The following STK3 variants were observed in gnomAD, a reference collection of about 807,000 sequenced individuals.
The protein encoded by STK3 is serine/threonine-protein kinase 3.
A neutral mutation model predicts 58.0 loss-of-function variants in STK3; 41 were observed. That is an observed-to-expected ratio of 0.71 (90% CI 0.55 to 0.92). STK3 has a LOEUF of 0.92. Among genes scored for constraint, STK3 ranks in the 40% least tolerant of loss-of-function variants. The pLI is 0.00. For missense variants in STK3, 479 were observed against 602.7 expected (o/e 0.79, Z 2.15); for synonymous variants, 170 against 191.0 (o/e 0.89, Z 0.91).
chr8:98,797,476 C>T (rs191498539), intron 1 of STK3, among the ~76,000 whole-genome samples: 3 of 152,148 alleles, frequency 2.0e-5, no homozygotes, highest in African/African-American at 7.2e-5. Flanking sequence ...ATCCCAGAAG[C>T]CTTTCTGGTA....
At chr8:98,695,618 G>T (rs920406459) in intron 6 of STK3, among the ~76,000 whole-genome samples, 1 of 152,176 alleles carries the variant, frequency 6.6e-6, no homozygotes, top group African/African-American at 2.4e-5. Flanking sequence ...TTTCCCCATT[G>T]CTTGTTTTTC....
At chr8:98,345,049 C>A in the STK3 span, among the ~76,000 whole-genome samples, 1 of 151,816 alleles carries the variant, frequency 6.6e-6, no homozygotes, top group Non-Finnish European at 1.5e-5. Flanking sequence ...AAACATCTAT[C>A]AAATATTTTG....
chr8:98,639,967 T>C (rs1819892327), intron 6 of STK3, among the ~76,000 whole-genome samples: 1 of 152,114 alleles, frequency 6.6e-6, no homozygotes, highest in Non-Finnish European at 1.5e-5. Flanking sequence ...AAAAATTAGT[T>C]GGGAGTGGTG....
chr8:98,873,863 G>C (rs1432480724), intron 3 of STK3, among the ~76,000 whole-genome samples: 1 of 152,128 alleles, frequency 6.6e-6, no homozygotes, highest in Non-Finnish European at 1.5e-5. Context: ...ATATTGTTAT[G>C]TGTGAATTTG....
rs187517875 is a variant in STK3, at chr8:98,766,952, T to C, written c.236+291A>G. On this transcript the variant is annotated intron_variant, in intron 3 of 10. Transcript: ENST00000419617. ...AGCCTGACCAACATGGAGAAACCCA[T>C]CTCTACTAAAAATACAAAATTAGCC... Among the ~76,000 whole-genome samples, 28 of 152,060 alleles carry C rather than the reference T, an allele frequency of 1.8e-4. No homozygotes were observed. The East Asian group carries it at 4.7e-3, about 25-fold the overall frequency.
At chr8:98,929,589 G>A (rs946001969) in intron 1 of STK3, among the ~76,000 whole-genome samples, 6 of 152,172 alleles carry the variant, frequency 3.9e-5, no homozygotes, top group Non-Finnish European at 5.9e-5. Flanking sequence ...GGTGGAGGTT[G>A]CAGTGAGCCA....
At chr8:98,349,705 G>T in the STK3 span, among the ~76,000 whole-genome samples, 1 of 152,206 alleles carries the variant, frequency 6.6e-6, no homozygotes. Flanking sequence ...CTTGACTTCT[G>T]TGTACCTGCA....
chr8:98,492,146 G>A (rs1316322970), intron 10 of STK3, among the ~76,000 whole-genome samples: 2 of 152,188 alleles, frequency 1.3e-5, no homozygotes, highest in Non-Finnish European at 2.9e-5. Context: ...AAAGCTCAAT[G>A]ACACACACTA....
chr8:98,566,701 A>T lies in STK3; in HGVS notation c.948+12963T>A, dbSNP rs1812509990. On this transcript the variant is annotated intron_variant, in intron 8 of 10. Transcript: ENST00000419617. ...CCAATCCAGAGTCTGGACTGGAAAC[A>T]GCTACAGTAAAAGCTGCCAGAGAAT... Among the ~76,000 whole-genome samples the T allele has an allele frequency of 2.0e-5, 3 of 152,190 alleles. No homozygotes were observed. In the South Asian group the frequency reaches 6.2e-4, roughly 31 times the overall value.
chr8:98,650,902 C>G (rs1402491613), intron 6 of STK3, among the ~76,000 whole-genome samples: 4 of 152,234 alleles, frequency 2.6e-5, no homozygotes, highest in Non-Finnish European at 5.9e-5. Flanking sequence ...GGCTGCACCT[C>G]TGGAGGAAGG....
chr8:98,427,103 G>C (rs1297402051), intron 3 of STK3: 2 of 150,458 alleles, frequency 1.3e-5, no homozygotes, highest in Admixed American at 1.3e-4. Context: ...TCCGGGAGCG[G>C]CGGGACCACG....
chr8:98,347,901 A>G, the STK3 span, among the ~76,000 whole-genome samples: 7 of 152,216 alleles, frequency 4.6e-5, 1 homozygote, highest in Non-Finnish European at 1.0e-4. Flanking sequence ...ATATTTTGTA[A>G]TATCAACAGA....
chr8:98,547,210 A>G (rs1810768424), intron 9 of STK3, among the ~76,000 whole-genome samples: 1 of 152,220 alleles, frequency 6.6e-6, no homozygotes, highest in South Asian at 2.1e-4. Flanking sequence ...GGACTAGGGT[A>G]GGAGCATGAC....
chr8:98,585,422 T>G (rs1814445135), intron 7 of STK3, among the ~76,000 whole-genome samples: 1 of 151,930 alleles, frequency 6.6e-6, no homozygotes, highest in Non-Finnish European at 1.5e-5. Context: ...GCGGCATTAT[T>G]TCTAAGGGCT....
intron 1 of STK3, among the ~76,000 whole-genome samples, chr8:98,937,415 C>A (rs888200682): frequency 1.3e-5 from 2 of 152,324 alleles, no homozygotes; most frequent in African/African-American, 4.8e-5. Context: ...AATGGGCTGG[C>A]TTAAACATTG....
At chr8:98,739,992 T>A (rs1235920435) in intron 4 of STK3, among the ~76,000 whole-genome samples, 1 of 151,978 alleles carries the variant, frequency 6.6e-6, no homozygotes, top group African/African-American at 2.4e-5. Context: ...AGAAAGGGTA[T>A]CAGTGATGGA....
downstream of STK3, chr8:98,882,235 T>C (rs1837820929): frequency 6.6e-6 from 1 of 152,138 alleles, no homozygotes; most frequent in East Asian, 1.9e-4. Flanking sequence ...GTTGCTTCCC[T>C]TTCCTTTTTA....
At chr8:98,416,905 T>C (rs1479488985) in intron 3 of STK3, among the ~76,000 whole-genome samples, 2 of 152,194 alleles carry the variant, frequency 1.3e-5, no homozygotes, top group Non-Finnish European at 2.9e-5. Context: ...CGAAGGTCTC[T>C]AAGGACAAGC....
At chr8:98,500,820 T>C (rs1823524729) in intron 10 of STK3, among the ~76,000 whole-genome samples, 1 of 152,174 alleles carries the variant, frequency 6.6e-6, no homozygotes, top group Admixed American at 6.5e-5. Flanking sequence ...TGATGGACGT[T>C]TGGGTTGGTT....
Sources: gnomAD v4.1 joint callset for allele counts (sites outside exome capture counted in the v4.1 genomes callset) on GRCh38, gnomAD v4.1.1 for gene constraint, MANE v1.5 for transcripts, NCBI Gene and HGNC (gene_info 2026-07-23, HGNC 2026-07-21) for gene names.